Variants in PHF14 observed in about 807,000 individuals in gnomAD.
PHF14 encodes PHD finger protein 14.
In PHF14, 55 loss-of-function variants were observed where a neutral mutation model predicts 117.9. That is an observed-to-expected ratio of 0.47 (90% CI 0.38 to 0.58). The LOEUF (loss-of-function observed/expected upper bound fraction) is 0.58. Among genes scored for constraint, PHF14 ranks in the 20% least tolerant of loss-of-function variants. The pLI, the probability that PHF14 is intolerant of heterozygous loss-of-function variation, is 0.00. For missense variants in PHF14, 978 were observed against 1,122.2 expected, an observed-to-expected ratio of 0.87 and a Z score of 1.84; for synonymous variants, 409 against 368.6, an observed-to-expected ratio of 1.11 and a Z score of -1.26.
chr7:11,159,722 A>G (rs1333132248), intron 17 of PHF14, among the ~76,000 whole-genome samples: 2 of 152,132 alleles, frequency 1.3e-5, no homozygotes, highest in Non-Finnish European at 2.9e-5. Context: ...ATTTCTTTCA[A>G]CTGCATGTGA....
chr7:11,139,400 T>A (rs769180118), intron 17 of PHF14, among the ~76,000 whole-genome samples: 1 of 152,158 alleles, frequency 6.6e-6, no homozygotes, highest in Non-Finnish European at 1.5e-5. Flanking sequence ...TTGCATTATA[T>A]AAGAAGATTA....
chr7:11,102,378 A>G (rs1396482974), intron 16 of PHF14: 4 of 1,152,436 alleles, frequency 3.5e-6, no homozygotes, highest in Non-Finnish European at 5.1e-6. Context: ...ACCAGATCAT[A>G]TGTTATTTGA....
chr7:11,166,105 A>G (rs1789195335), intron 17 of PHF14, among the ~76,000 whole-genome samples: 1 of 152,230 alleles, frequency 6.6e-6, no homozygotes, highest in Non-Finnish European at 1.5e-5. Context: ...CAAAGTTGTT[A>G]TAGTCAGTGT....
chr7:11,056,003 T>C (rs1387227704), intron 14 of PHF14, among the ~76,000 whole-genome samples: 1 of 152,180 alleles, frequency 6.6e-6, no homozygotes, highest in Non-Finnish European at 1.5e-5. Context: ...GTGGGGGCTT[T>C]ACATACCAGA....
At chr7:10,993,120 C>G (rs975748260) in intron 4 of PHF14, among the ~76,000 whole-genome samples, 5 of 152,088 alleles carry the variant, frequency 3.3e-5, no homozygotes, top group African/African-American at 1.2e-4. Context: ...TTGCATAAGC[C>G]TACCAATTTA....
intron 4 of PHF14, among the ~76,000 whole-genome samples, chr7:11,001,469 A>G (rs946079222): frequency 2.0e-5 from 3 of 152,216 alleles, no homozygotes; most frequent in African/African-American, 7.2e-5. Context: ...TATTGAATCT[A>G]TAGATCAAGT....
In PHF14 at chr7:11,106,305, C is replaced by T. The variant is rs543518055; in HGVS notation, c.2655-5045C>T. On this transcript the variant is annotated intron_variant, in intron 16 of 17. Coordinates refer to ENST00000634607, the MANE Select transcript of PHF14 (RefSeq NM_001007157.2). ...AGAATATTTTTGTCTTTCTTACTAC[C>T]CATTCATTCATTATTGGCTGATACA... The T allele has an allele frequency of 4.1e-6, 4 of 973,684 alleles. No homozygotes were observed. In the African/African-American group the frequency reaches 7.0e-5, roughly 17 times the overall value. The allele number at this position is 973,684 out of a possible 1,614,324, so 60.3% of individuals were successfully genotyped here.
At chr7:11,036,268 C>A in intron 8 of PHF14, 150 bp from the exon 9 acceptor site, 1 of 656,500 alleles carries the variant, frequency 1.5e-6, no homozygotes, top group Non-Finnish European at 2.6e-6. Context: ...ATACAGTATA[C>A]CTTAAGGATC....
chr7:11,063,406 A>G lies in PHF14; in HGVS notation c.2654+1321A>G, dbSNP rs991669593. ...TAAGCGTAACATAATGGAGTAAATG[A>G]AACAATAAAAATAAAGAAAAAAAAT... is the stretch of plus-strand genomic sequence containing the variant. On this transcript the variant is annotated intron_variant, in intron 16 of 17. Transcript: ENST00000634607. The G allele has an allele frequency of 3.1e-6, 3 of 976,212 alleles. No individual in the cohort carries two copies. The African/African-American group carries it at 5.3e-5, about 17-fold the overall frequency. 60.5% of individuals were successfully genotyped at this position (976,212 alleles called of 1,614,324 possible). A position where few individuals can be genotyped will look rare whatever the true frequency, so the allele number is the denominator to read the frequency against.
chr7:10,978,500 G>GT (rs913379695), intron 2 of PHF14, among the ~76,000 whole-genome samples: 7 of 152,110 alleles, frequency 4.6e-5, no homozygotes, highest in Non-Finnish European at 8.8e-5. Context: ...ACTTGGAATT[G>GT]TTTTTTTATA....
chr7:11,106,159 CT>C (rs1371613192), intron 16 of PHF14: 8 of 981,536 alleles, frequency 8.2e-6, no homozygotes, highest in Non-Finnish European at 9.7e-6. Flanking sequence ...CACATTTAAT[CT>C]TGTAATCTGG....
At chr7:11,010,184 A>G (rs1783295962) in intron 4 of PHF14, among the ~76,000 whole-genome samples, 1 of 152,152 alleles carries the variant, frequency 6.6e-6, no homozygotes, top group Non-Finnish European at 1.5e-5. Flanking sequence ...TGCATAGCAC[A>G]TGGAGAAAAT....
intron 14 of PHF14, among the ~76,000 whole-genome samples, chr7:11,056,852 T>C (rs1295552736): frequency 1.3e-5 from 2 of 150,142 alleles, no homozygotes; most frequent in Non-Finnish European, 3.0e-5. Context: ...AATTTTATAT[T>C]GAAGCATTTT....
chr7:11,073,338 C>G (rs145022487), intron 16 of PHF14, among the ~76,000 whole-genome samples: 162 of 152,236 alleles, frequency 1.1e-3, no homozygotes, highest in African/African-American at 3.7e-3. Context: ...AGAAATTAAC[C>G]AAAAGAAACA....
intron 14 of PHF14, among the ~76,000 whole-genome samples, chr7:11,058,510 G>T (rs917295342): frequency 6.6e-6 from 1 of 152,028 alleles, no homozygotes; most frequent in East Asian, 1.9e-4. Context: ...GGAAATATTA[G>T]TAATGTGATA....
At chr7:11,134,219 C>G (rs1411975884) in intron 17 of PHF14, among the ~76,000 whole-genome samples, 1 of 151,786 alleles carries the variant, frequency 6.6e-6, no homozygotes, top group Non-Finnish European at 1.5e-5. Context: ...TGAGTACTGC[C>G]TGTATTTTCA....
intron 16 of PHF14, among the ~76,000 whole-genome samples, chr7:11,066,935 A>C (rs1435258507): frequency 6.6e-6 from 1 of 152,236 alleles, no homozygotes; most frequent in Non-Finnish European, 1.5e-5. Context: ...CCAAAAGCAT[A>C]GGTAATAACA....
At chr7:11,011,474 G>A (rs922320079) in intron 4 of PHF14, among the ~76,000 whole-genome samples, 3 of 152,168 alleles carry the variant, frequency 2.0e-5, no homozygotes, top group African/African-American at 4.8e-5. Context: ...CTTATTTAAT[G>A]TCATCAGTTT....
intron 17 of PHF14, among the ~76,000 whole-genome samples, chr7:11,137,142 T>C (rs1335383414): frequency 6.6e-6 from 1 of 152,232 alleles, no homozygotes; most frequent in Non-Finnish European, 1.5e-5. Context: ...TCAGGTTTTC[T>C]TGGGTATCAC....
Sources: allele counts gnomAD v4.1 joint callset (sites outside exome capture counted in the v4.1 genomes callset), GRCh38; gene constraint gnomAD v4.1.1; transcripts MANE v1.5; gene names NCBI Gene and HGNC (gene_info 2026-07-23, HGNC 2026-07-21).